The following SLC30A6 variants were observed in gnomAD, a reference collection of about 807,000 sequenced individuals.
The protein encoded by SLC30A6 is zinc transporter 6.
Under a neutral mutation model 63.0 loss-of-function variants are expected in SLC30A6, and 55 were observed. The ratio of observed to expected loss-of-function variants is 0.87; its 90% CI spans 0.70 to 1.09. SLC30A6 has a LOEUF of 1.09. Among genes scored for constraint, SLC30A6 ranks in the 50% least tolerant of loss-of-function variants. The pLI is 0.00. For missense variants in SLC30A6, 587 were observed against 549.2 expected (o/e 1.07, Z -0.69); for synonymous variants, 224 against 186.1 (o/e 1.20, Z -1.66).
intron 8 of SLC30A6, among the ~76,000 whole-genome samples, 198 bp from the exon 9 acceptor site, chr2:32,197,146 A>G (rs897236735): frequency 6.6e-6 from 1 of 152,234 alleles, no homozygotes; most frequent in African/African-American, 2.4e-5. Flanking sequence ...TATATTGTAT[A>G]ATAGTTGAAA....
At chr2:32,171,022 A>T (rs928221379) in intron 1 of SLC30A6, among the ~76,000 whole-genome samples, 2 of 152,172 alleles carry the variant, frequency 1.3e-5, no homozygotes, top group Non-Finnish European at 2.9e-5. Flanking sequence ...GTCTGGAGCT[A>T]AAAAGCCTGG....
rs182763013 is a variant in SLC30A6, at chr2:32,200,719, C to G, written c.665+2893C>G. Among the ~76,000 whole-genome samples, 1,456 of 152,066 alleles carry G rather than the reference C, an allele frequency of 9.6e-3. 26 individuals carry two copies. Among genetic ancestry groups the G allele is most frequent in the South Asian group, 0.048 (229 of 4,806 alleles). ...GTACCCAGGGACACAAACACTCTGC[C>G]TAGGAAAACCAGAGACCTTTGTTCA... On this transcript the variant is annotated intron_variant, in intron 10 of 13. Coordinates refer to ENST00000282587, the MANE Select transcript of SLC30A6 (RefSeq NM_017964.5).
chr2:32,192,514 C>T (rs1212373603), intron 6 of SLC30A6, 98 bp downstream of exon 6: 2 of 982,866 alleles, frequency 2.0e-6, no homozygotes, highest in Non-Finnish European at 3.1e-6. Flanking sequence ...GGTATGAAAA[C>T]TTAGATGAGC....
chr2:32,184,395 A>G, intron 5 of SLC30A6, 57 bp downstream of exon 5: 1 of 995,804 alleles, frequency 1.0e-6, no homozygotes, highest in South Asian at 2.2e-5. Context: ...TATTATTTAT[A>G]GTAGACGATA....
At chr2:32,177,123 CT>C (rs975146967) in intron 4 of SLC30A6, among the ~76,000 whole-genome samples, 2 of 152,152 alleles carry the variant, frequency 1.3e-5, no homozygotes, top group Non-Finnish European at 2.9e-5. Flanking sequence ...AGCTATTACT[CT>C]CCAGTCATTC....
rs369455883 is a variant in SLC30A6, at chr2:32,204,621, A to C, written c.697A>C (p.Ile233Leu). 1.9e-6 allele frequency: 3 copies of C among 1,612,090 alleles called. No individual in the cohort carries two copies. In the African/African-American group the frequency reaches 4.0e-5, roughly 22 times the overall value. ...TTTTGCCGTAGACACTGCCTCTGCT[A>C]TAGCTATTGCCTTGATGACATTTGG... is the stretch of plus-strand genomic sequence containing the variant. ...NYFAVDTASA[I>L]AIALMTFGTM... Residue 233 changes from isoleucine to leucine, a missense_variant, in exon 11 of 14, where the codon ATA becomes CTA. Transcript: ENST00000282587.
chr2:32,194,154 C>G (rs1335729340), intron 8 of SLC30A6, among the ~76,000 whole-genome samples, 171 bp downstream of exon 8: 1 of 152,090 alleles, frequency 6.6e-6, no homozygotes. Flanking sequence ...AAAACAAAAT[C>G]TCATTAGTTC....
In SLC30A6 at chr2:32,184,270, T is replaced by C. The variant is rs1447956740; in HGVS notation, c.219-3T>C. The C allele has an allele frequency of 3.3e-6, 5 of 1,494,854 alleles. No homozygotes were observed. The highest frequency in any genetic ancestry group is 2.1e-5 in the Admixed American group (1 of 48,740). 92.6% of individuals were successfully genotyped at this position (1,494,854 alleles called of 1,614,324 possible). A position where few individuals can be genotyped will look rare whatever the true frequency, so the allele number is the denominator to read the frequency against. On this transcript the variant is annotated splice_region_variant and splice_polypyrimidine_tract_variant and intron_variant, in intron 4 of 13. Coordinates refer to ENST00000282587, the MANE Select transcript of SLC30A6 (RefSeq NM_017964.5). The stretch of plus-strand genomic sequence containing the variant: ...TACTAAATTTATTTTTCTTTTTACT[T>C]AGTTTAATGACATGTTTAATAAGTT...
intron 11 of SLC30A6, among the ~76,000 whole-genome samples, chr2:32,205,739 G>C (rs1029181490): frequency 8.3e-5 from 12 of 145,282 alleles, no homozygotes; most frequent in Admixed American, 7.8e-4. Context: ...CTACACTCAG[G>C]TCACTGCAAC....
intron 10 of SLC30A6, among the ~76,000 whole-genome samples, chr2:32,199,362 G>A (rs1204799796): frequency 6.6e-6 from 1 of 152,190 alleles, no homozygotes; most frequent in African/African-American, 2.4e-5. Context: ...ATACCCAGAA[G>A]TGAAATTACT....
chr2:32,185,931 AT>A (rs1192844666), intron 5 of SLC30A6, among the ~76,000 whole-genome samples: 1 of 146,490 alleles, frequency 6.8e-6, no homozygotes, highest in African/African-American at 2.6e-5. Flanking sequence ...GGGTTTCACC[AT>A]GTTGGCCAGG....
At chr2:32,204,801 T>C in intron 11 of SLC30A6, 109 bp downstream of exon 11, 1 of 432,482 alleles carries the variant, frequency 2.3e-6, no homozygotes, top group Non-Finnish European at 3.6e-6. Context: ...ATTTTTATTT[T>C]TTAATTTTAA....
chr2:32,169,369 G>A (rs528301271), intron 1 of SLC30A6, among the ~76,000 whole-genome samples: 2 of 152,142 alleles, frequency 1.3e-5, no homozygotes, highest in South Asian at 4.2e-4. Flanking sequence ...TAGAGACAGG[G>A]TCTCAGTATA....
At chr2:32,207,584 C>G (rs1344914879) in intron 12 of SLC30A6, among the ~76,000 whole-genome samples, 2 of 151,806 alleles carry the variant, frequency 1.3e-5, no homozygotes, top group Admixed American at 1.3e-4. Context: ...GCTGTGTTGG[C>G]CAGGCTGGTC....
At chr2:32,197,638 T>A (rs1207369882) in intron 9 of SLC30A6, 69 bp from the exon 10 acceptor site, 2 of 1,600,048 alleles carry the variant, frequency 1.2e-6, no homozygotes, top group Non-Finnish European at 8.5e-7. Context: ...CAAGTTATCT[T>A]TTACAAGGTT....
At chr2:32,213,948 A>G (rs964713773) in intron 13 of SLC30A6, among the ~76,000 whole-genome samples, 1 of 152,044 alleles carries the variant, frequency 6.6e-6, no homozygotes, top group Non-Finnish European at 1.5e-5. Flanking sequence ...AAAACTAGAA[A>G]GAAGCTATCT....
At chr2:32,211,657 G>A (rs367843414) in intron 13 of SLC30A6, among the ~76,000 whole-genome samples, 9 of 151,132 alleles carry the variant, frequency 6.0e-5, no homozygotes, top group South Asian at 4.2e-4. Flanking sequence ...TTGCTCTGTC[G>A]CCCAGGTGGG....
At chr2:32,167,738 C>A (rs1680813260) in intron 1 of SLC30A6, among the ~76,000 whole-genome samples, 3 of 151,986 alleles carry the variant, frequency 2.0e-5, no homozygotes, top group Admixed American at 2.0e-4. Context: ...ACTTAACTTG[C>A]CTATAATACT....
chr2:32,205,065 G>A (rs564575532), intron 11 of SLC30A6, among the ~76,000 whole-genome samples: 23 of 152,002 alleles, frequency 1.5e-4, no homozygotes, highest in Non-Finnish European at 2.8e-4. Flanking sequence ...CTCTTGCTGC[G>A]GCCTCCCAAA....
Sources: gnomAD v4.1 joint callset for allele counts (sites outside exome capture counted in the v4.1 genomes callset) on GRCh38, gnomAD v4.1.1 for gene constraint, MANE v1.5 for transcripts, NCBI Gene and HGNC (gene_info 2026-07-23, HGNC 2026-07-21) for gene names.